ZNF354A: variants seen among roughly 807,000 people sequenced by gnomAD.
ZNF354A encodes the protein zinc finger protein 354A, also known as epididymis luminal protein 104.
Under a neutral mutation model 53.3 loss-of-function variants are expected in ZNF354A, and 25 were observed. The ratio of observed to expected loss-of-function variants is 0.47; its 90% CI spans 0.34 to 0.66. The LOEUF is 0.66. Among genes scored for constraint, ZNF354A ranks in the 30% least tolerant of loss-of-function variants. The pLI is 0.01. For synonymous variants in ZNF354A, 228 were observed against 249.0 expected (o/e 0.92, Z 0.79); for missense variants, 586 against 716.8 (o/e 0.82, Z 2.08).
At chr5:178,727,938 C>T (rs1055297704) in intron 2 of ZNF354A, among the ~76,000 whole-genome samples, 1 of 152,132 alleles carries the variant, frequency 6.6e-6, no homozygotes, top group East Asian at 1.9e-4. Flanking sequence ...GTAACCTCCA[C>T]CTTCCGGGTT....
intron 4 of ZNF354A, among the ~76,000 whole-genome samples, chr5:178,723,322 G>A (rs1177109147): frequency 1.3e-5 from 2 of 152,148 alleles, no homozygotes; most frequent in African/African-American, 2.4e-5. Flanking sequence ...CACTGTGGCC[G>A]TCAGGTTCTC....
At chr5:178,727,912 A>G (rs1765942350) in intron 2 of ZNF354A, among the ~76,000 whole-genome samples, 1 of 151,956 alleles carries the variant, frequency 6.6e-6, no homozygotes, top group Non-Finnish European at 1.5e-5. Context: ...GTGCAATGGC[A>G]TGATCTTGGC....
At chr5:178,725,186 A>G (rs1288389447) in intron 4 of ZNF354A, among the ~76,000 whole-genome samples, 190 bp downstream of exon 4, 2 of 152,232 alleles carry the variant, frequency 1.3e-5, no homozygotes, top group Admixed American at 6.5e-5. Flanking sequence ...AAACAACAGG[A>G]AAGAGTAAGA....
intron 4 of ZNF354A, among the ~76,000 whole-genome samples, chr5:178,719,014 G>C (rs549999971): frequency 6.6e-6 from 1 of 152,142 alleles, no homozygotes; most frequent in Non-Finnish European, 1.5e-5. Context: ...CTAAGTTCAG[G>C]ATCTCCTCAC....
At chr5:178,727,256 G>T in intron 2 of ZNF354A, 131 bp from the exon 3 acceptor site, 3 of 1,031,914 alleles carry the variant, frequency 2.9e-6, no homozygotes, top group Non-Finnish European at 3.9e-6. Flanking sequence ...CAGATCATTC[G>T]TTTAATGAAT....
chr5:178,728,958 T>A (rs1765970840), intron 2 of ZNF354A, 32 bp downstream of exon 2: 1 of 834,132 alleles, frequency 1.2e-6, no homozygotes, highest in Non-Finnish European at 2.0e-6. Context: ...GGAAAATCCA[T>A]CCACTGGGAT....
chr5:178,727,540 A>C (rs950790341), intron 2 of ZNF354A, among the ~76,000 whole-genome samples: 1 of 152,340 alleles, frequency 6.6e-6, no homozygotes, highest in African/African-American at 2.4e-5. Flanking sequence ...GAATAATCTA[A>C]ATACTTAATG....
At chr5:178,723,021 C>T (rs1014516528) in intron 4 of ZNF354A, among the ~76,000 whole-genome samples, 1 of 152,208 alleles carries the variant, frequency 6.6e-6, no homozygotes, top group Non-Finnish European at 1.5e-5. Flanking sequence ...CCCCATGACA[C>T]ACTGCAGGGC....
Position 178,712,518 on chromosome 5 carries a change from T to C in ZNF354A, c.1360A>G (p.Ile454Val), listed in dbSNP as rs1765638193. The stretch of plus-strand genomic sequence containing the variant: ...CCAGTATGAATTCGCTCGTGAATAA[T>C]AAGTGTTGAGTGGGAGCTTAAGGCT... ...GKALSSHSTL[I>V]IHERIHTGEK... Residue 454 changes from isoleucine to valine, a missense_variant, in exon 5 of 5, where the codon ATT (isoleucine) becomes GTT (valine). Ile to Val is a conservative substitution (Grantham distance 29, BLOSUM62 3). Around this residue, in one of 2 missense-constraint regions of ZNF354A, gnomAD observed 573 missense variants for 680.1 expected, o/e 0.84. Transcript: ENST00000335815. The C allele has an allele frequency of 6.2e-7, 1 of 1,614,086 alleles. No homozygotes were observed. The highest frequency in any genetic ancestry group is 8.5e-7 in the Non-Finnish European group (1 of 1,180,046).
rs2113883286 is a variant in ZNF354A at position 178,725,379 on chromosome 5, G to A, written c.253C>T (p.Leu85=). The A allele has an allele frequency of 6.2e-7, 1 of 1,613,632 alleles. No homozygotes were observed. Among genetic ancestry groups the A allele is most frequent in the Non-Finnish European group, 8.5e-7 (1 of 1,179,988 alleles). The part of the protein sequence containing the change: ...VEKDGSGVSS[L]GSKSSHKTTK... ...GCACCTCGGGCCACCCACTTACCTA[G>A]AGAGGAGACGCCAGAACCGTCTTTC... The change falls in exon 4 of 5, where the codon CTA becomes TTA. Residue 85 remains leucine (L), a synonymous_variant. Coordinates refer to ENST00000335815, the MANE Select transcript of ZNF354A (RefSeq NM_005649.3).
chr5:178,721,776 C>G (rs1003939010), intron 4 of ZNF354A, among the ~76,000 whole-genome samples: 4 of 152,178 alleles, frequency 2.6e-5, no homozygotes, highest in African/African-American at 7.2e-5. Flanking sequence ...CTCGACTCCC[C>G]CTTACAGACG....
chr5:178,728,801 G>A (rs200305121), intron 2 of ZNF354A, among the ~76,000 whole-genome samples, 189 bp downstream of exon 2: 22,449 of 81,510 alleles, frequency 0.28, 2,906 homozygotes, highest in South Asian at 0.37. Context: ...AAAAAAAAAA[G>A]AGAACCACTA....
intron 4 of ZNF354A, among the ~76,000 whole-genome samples, chr5:178,721,514 T>TCCCA (rs1292955783): frequency 7.0e-6 from 1 of 143,328 alleles, no homozygotes; most frequent in Non-Finnish European, 1.6e-5. Flanking sequence ...TTCTTGGTAT[T>TCCCA]CCCACCCACC....
Position 178,712,055 on chromosome 5 carries a change from A to G in ZNF354A, c.*5T>C. 1.3e-6 allele frequency: 2 copies of G among 1,569,184 alleles called. No individual in the cohort carries two copies. The highest frequency in any genetic ancestry group is 1.2e-5 in the South Asian group (1 of 83,548). ...TTAAGGCTTTCACACATACAAATCT[A>G]CTTTCTAGGGGTCCTCTTCGATATG... On this transcript the variant is annotated 3_prime_UTR_variant, in exon 5 of 5. Transcript: ENST00000335815.
intron 2 of ZNF354A, among the ~76,000 whole-genome samples, chr5:178,728,528 A>G (rs111305515): frequency 0.24 from 36,449 of 151,684 alleles, 5,209 homozygotes; most frequent in South Asian, 0.35. Flanking sequence ...AGTGGCGCAC[A>G]TCTGTAATCC....
At chr5:178,727,433 C>T (rs1765932525) in intron 2 of ZNF354A, among the ~76,000 whole-genome samples, 1 of 152,158 alleles carries the variant, frequency 6.6e-6, no homozygotes, top group African/African-American at 2.4e-5. Flanking sequence ...TCAAAGTATA[C>T]TCTTTAAAGT....
rs201970658 is a variant in ZNF354A at position 178,712,952 on chromosome 5, C to T, written c.926G>A (p.Arg309Gln). 2.7e-5 allele frequency: 43 copies of T among 1,613,960 alleles called. No homozygotes were observed. The highest frequency in any genetic ancestry group is 3.6e-5 in the Non-Finnish European group (42 of 1,180,024). The change falls in exon 5 of 5, where the codon CGA (arginine) becomes CAA (glutamine). Residue 309 changes from arginine (R) to glutamine (Q), a missense_variant. By Grantham distance (43) the Arg-to-Gln change is conservative (BLOSUM62 1). This residue lies in a region of ZNF354A where 573 missense variants were observed against 680.1 expected (regional missense o/e 0.84). Transcript: ENST00000335815. ...TTGATGTATAAAAAGGCCTGACCTTCGGCTGAAGGATTTACCACATTCTTT... is the reference window on the plus strand; with the variant it reads ...TTGATGTATAAAAAGGCCTGACCTTTGGCTGAAGGATTTACCACATTCTTT... The part of the protein sequence containing the change: ...RCKECGKSFS[R>Q]RSGLFIHQKI...
At chr5:178,720,534 A>T (rs1228156297) in intron 4 of ZNF354A, among the ~76,000 whole-genome samples, 1 of 152,258 alleles carries the variant, frequency 6.6e-6, no homozygotes, top group East Asian at 1.9e-4. Flanking sequence ...GGCCACGGAG[A>T]TCTCCAAGTT....
intron 4 of ZNF354A, among the ~76,000 whole-genome samples, chr5:178,725,125 T>C (rs1410379379): frequency 2.0e-5 from 3 of 152,208 alleles, no homozygotes; most frequent in Non-Finnish European, 4.4e-5. Context: ...TGAAATTCCT[T>C]AAATAGACTA....
Sources: allele counts gnomAD v4.1 joint callset (sites outside exome capture counted in the v4.1 genomes callset), GRCh38; gene constraint gnomAD v4.1.1; regional missense constraint gnomAD v4.1.1; transcripts MANE v1.5; gene names NCBI Gene and HGNC (gene_info 2026-07-23, HGNC 2026-07-21).